KDM4C: variants seen among roughly 807,000 people sequenced by gnomAD.
KDM4C encodes lysine demethylase 4C, also known as lysine-specific demethylase 4C.
KDM4C carries 81 observed loss-of-function variants against 129.3 expected under a neutral mutation model. That is an observed-to-expected ratio of 0.63 (90% CI 0.52 to 0.75). The LOEUF is 0.75. KDM4C is among the 30% of genes least tolerant of loss of function. The pLI, the probability that KDM4C is intolerant of heterozygous loss-of-function variation, is 0.00. For missense variants in KDM4C, 1,457 were observed against 1,304.0 expected (o/e 1.12, Z -1.81); for synonymous variants, 573 against 456.1 (o/e 1.26, Z -3.26).
At chr9:6,752,743 T>C (rs973348407), upstream of KDM4C, among the ~76,000 whole-genome samples, 1 of 152,158 alleles carries the variant, frequency 6.6e-6, no homozygotes, top group Admixed American at 6.6e-5. Context: ...AAAAGTTATA[T>C]TGTGGTCTCT....
At chr9:7,079,759 C>T (rs886642176) in intron 17 of KDM4C, among the ~76,000 whole-genome samples, 1 of 152,140 alleles carries the variant, frequency 6.6e-6, no homozygotes, top group African/African-American at 2.4e-5. Context: ...AACTGGGATC[C>T]GTGTATTCCA....
intron 19 of KDM4C, among the ~76,000 whole-genome samples, chr9:7,146,236 C>T (rs1284328259): frequency 6.6e-6 from 1 of 152,206 alleles, no homozygotes; most frequent in East Asian, 1.9e-4. Context: ...CAAAATGTTA[C>T]TGATTATCTT....
At chr9:6,908,963 A>G (rs1476006616) in intron 8 of KDM4C, among the ~76,000 whole-genome samples, 2 of 152,230 alleles carry the variant, frequency 1.3e-5, no homozygotes, top group African/African-American at 4.8e-5. Context: ...GATATTTATT[A>G]ACCTCTTAAA....
intron 1 of KDM4C, chr9:6,734,604 T>C: frequency 4.1e-6 from 1 of 241,846 alleles, no homozygotes; most frequent in Non-Finnish European, 8.0e-6. Flanking sequence ...TGCATTCCTC[T>C]GTTTCTTGCC....
chr9:7,062,839 A>G (rs1402441833), intron 17 of KDM4C, among the ~76,000 whole-genome samples: 1 of 152,142 alleles, frequency 6.6e-6, no homozygotes, highest in African/African-American at 2.4e-5. Context: ...TGATACGGGG[A>G]CACAATGCTA....
At chr9:6,913,771 TCAAA>T (rs1563803480) in intron 8 of KDM4C, among the ~76,000 whole-genome samples, 1 of 152,352 alleles carries the variant, frequency 6.6e-6, no homozygotes, top group Non-Finnish European at 1.5e-5. Flanking sequence ...AGATGACAAT[TCAAA>T]CAGTTACTAT....
At chr9:6,902,154 A>G (rs7022331) in intron 8 of KDM4C, among the ~76,000 whole-genome samples, 51,694 of 151,946 alleles carry the variant, frequency 0.34, 9,514 homozygotes, top group Non-Finnish European at 0.41. Context: ...CTTAATATCT[A>G]TTTATAAATT....
chr9:6,941,302 T>C (rs10975923), intron 8 of KDM4C, among the ~76,000 whole-genome samples: 46,401 of 152,092 alleles, frequency 0.31, 8,033 homozygotes, highest in East Asian at 0.57. Context: ...GGGCTTTTTT[T>C]CATATGTTTA....
chr9:6,945,389 T>C (rs1826779159), intron 8 of KDM4C, among the ~76,000 whole-genome samples: 1 of 152,236 alleles, frequency 6.6e-6, no homozygotes, highest in Non-Finnish European at 1.5e-5. Context: ...GTAGCATAAA[T>C]TCAGAGCAAT....
intron 15 of KDM4C, among the ~76,000 whole-genome samples, chr9:7,036,910 G>T (rs144667539): frequency 1.9e-4 from 29 of 152,292 alleles, no homozygotes; most frequent in Admixed American, 6.5e-4. Flanking sequence ...TTACTTGCCA[G>T]TACAGAATTC....
chr9:6,936,982 C>G (rs1824917528), intron 8 of KDM4C, among the ~76,000 whole-genome samples: 1 of 152,076 alleles, frequency 6.6e-6, no homozygotes, highest in Non-Finnish European at 1.5e-5. Context: ...GATTCTAGAC[C>G]CATATCCCTG....
chr9:7,035,235 A>T (rs545916533), intron 15 of KDM4C, among the ~76,000 whole-genome samples: 1 of 150,278 alleles, frequency 6.7e-6, no homozygotes, highest in East Asian at 2.0e-4. Flanking sequence ...GCTGGTCTTG[A>T]ACTCTTGGGC....
intron 16 of KDM4C, 148 bp from the exon 17 acceptor site, chr9:7,048,944 T>C: frequency 1.7e-6 from 1 of 575,628 alleles, no homozygotes; most frequent in Non-Finnish European, 3.1e-6. Flanking sequence ...TCAGGAGGTT[T>C]ACAGTTCAGA....
At chr9:6,725,167 T>C (rs1817081745) in intron 1 of KDM4C, among the ~76,000 whole-genome samples, 1 of 152,098 alleles carries the variant, frequency 6.6e-6, no homozygotes, top group Non-Finnish European at 1.5e-5. Context: ...CCCCTTATCC[T>C]TGAGGGAGAT....
At chr9:6,834,997 T>A (rs1178598401) in intron 4 of KDM4C, 3 of 965,424 alleles carry the variant, frequency 3.1e-6, no homozygotes. Flanking sequence ...TGGACCTGGC[T>A]GGCCGGGACC....
At chr9:7,070,390 A>G (rs1317456847) in intron 17 of KDM4C, among the ~76,000 whole-genome samples, 2 of 152,180 alleles carry the variant, frequency 1.3e-5, no homozygotes, top group East Asian at 1.9e-4. Context: ...AATTCATTGC[A>G]TAGGGCCAGC....
chr9:6,748,137 GC>G (rs1221392605), intron 1 of KDM4C, among the ~76,000 whole-genome samples: 2 of 151,230 alleles, frequency 1.3e-5, no homozygotes, highest in Admixed American at 6.6e-5. Flanking sequence ...CTGCACTCCA[GC>G]CTGAGTAACA....
intron 17 of KDM4C, among the ~76,000 whole-genome samples, chr9:7,056,501 G>A (rs1830890900): frequency 6.6e-6 from 1 of 152,144 alleles, no homozygotes; most frequent in African/African-American, 2.4e-5. Context: ...AATGTCAGAT[G>A]GGCATGGCTA....
chr9:7,097,790 A>G (rs983210902), intron 17 of KDM4C, among the ~76,000 whole-genome samples: 5 of 152,250 alleles, frequency 3.3e-5, no homozygotes, highest in Non-Finnish European at 7.3e-5. Context: ...TTCCTTAAAT[A>G]CAAGGATTGT....
Sources: gnomAD v4.1 joint callset for allele counts (sites outside exome capture counted in the v4.1 genomes callset) on GRCh38, gnomAD v4.1.1 for gene constraint, MANE v1.5 for transcripts, NCBI Gene and HGNC (gene_info 2026-07-23, HGNC 2026-07-21) for gene names.